The following THSD4 variants were observed in gnomAD, a reference collection of about 807,000 sequenced individuals.
THSD4 encodes the protein thrombospondin type-1 domain-containing protein 4.
In THSD4, 69 loss-of-function variants were observed where a neutral mutation model predicts 119.0. The observed-to-expected ratio is 0.58, with a 90% CI of 0.48 to 0.71. THSD4 has a LOEUF of 0.71. Ranked by LOEUF, THSD4 falls within the 30% of genes least tolerant of loss-of-function variation. The pLI is 0.00. For synonymous variants in THSD4, 524 were observed against 540.4 expected, an observed-to-expected ratio of 0.97 and a Z score of 0.42; for missense variants, 1,393 against 1,391.1, an observed-to-expected ratio of 1.00 and a Z score of -0.02.
chr15:71,429,431 A>G (rs2046914404), intron 7 of THSD4, among the ~76,000 whole-genome samples: 1 of 152,238 alleles, frequency 6.6e-6, no homozygotes, highest in Non-Finnish European at 1.5e-5. Context: ...GGTTTGTGAC[A>G]AAAGTCTGTC....
At chr15:71,262,965 CTT>C (rs1208060388) in intron 6 of THSD4, among the ~76,000 whole-genome samples, 2 of 150,918 alleles carry the variant, frequency 1.3e-5, no homozygotes, top group African/African-American at 4.9e-5. Context: ...TTTTTTCTAA[CTT>C]TTATTTTAAG....
intron 7 of THSD4, among the ~76,000 whole-genome samples, chr15:71,594,825 A>C (rs904528242): frequency 1.3e-5 from 2 of 152,218 alleles, no homozygotes; most frequent in Non-Finnish European, 2.9e-5. Context: ...GAAGTTAACA[A>C]AGTATATTTT....
chr15:71,528,427 G>A (rs2048558955), intron 7 of THSD4, among the ~76,000 whole-genome samples: 1 of 152,148 alleles, frequency 6.6e-6, no homozygotes, highest in Non-Finnish European at 1.5e-5. Flanking sequence ...GCAGTATGGG[G>A]GAAGTACGTG....
chr15:71,110,892 GA>G, upstream of THSD4: 1 of 502,058 alleles, frequency 2.0e-6, no homozygotes, highest in Non-Finnish European at 3.5e-6. Context: ...TGCTTGAGAA[GA>G]GGAGGCCCTG....
chr15:71,601,492 C>T (rs1291660555), intron 7 of THSD4, among the ~76,000 whole-genome samples: 1 of 152,188 alleles, frequency 6.6e-6, no homozygotes, highest in Non-Finnish European at 1.5e-5. Flanking sequence ...CTGTCATGGG[C>T]CTGCCAAGAC....
chr15:71,650,145 C>T (rs763712372), intron 7 of THSD4, among the ~76,000 whole-genome samples: 1 of 152,114 alleles, frequency 6.6e-6, no homozygotes, highest in African/African-American at 2.4e-5. Context: ...ATCCACCTGC[C>T]GTCTGTTTGT....
chr15:71,248,927 A>G (rs888431140), intron 5 of THSD4, among the ~76,000 whole-genome samples: 2 of 152,186 alleles, frequency 1.3e-5, no homozygotes, highest in Admixed American at 1.3e-4. Context: ...CCATGAGGCC[A>G]GTTACTGAAT....
At chr15:71,699,210 CT>C (rs34295616) in intron 8 of THSD4, among the ~76,000 whole-genome samples, 1 of 73,008 alleles carries the variant, frequency 1.4e-5, no homozygotes, top group African/African-American at 6.3e-5. Context: ...ATAGCTACAG[CT>C]TTTTTTTTTT....
At chr15:71,216,400 A>G (rs1173803581) in intron 4 of THSD4, among the ~76,000 whole-genome samples, 1 of 152,218 alleles carries the variant, frequency 6.6e-6, no homozygotes, top group African/African-American at 2.4e-5. Context: ...TTGCTGCATG[A>G]GAGTCTGTCT....
At chr15:71,461,746 A>C (rs1293616416) in intron 7 of THSD4, among the ~76,000 whole-genome samples, 1 of 152,038 alleles carries the variant, frequency 6.6e-6, no homozygotes, top group Non-Finnish European at 1.5e-5. Flanking sequence ...ATAATTTCCA[A>C]GTAGGATTTT....
At chr15:71,298,867 C>G (rs2044904505) in intron 6 of THSD4, among the ~76,000 whole-genome samples, 1 of 152,246 alleles carries the variant, frequency 6.6e-6, no homozygotes, top group Non-Finnish European at 1.5e-5. Context: ...CCGGCCTCGG[C>G]CTCCCAAAGT....
intron 8 of THSD4, among the ~76,000 whole-genome samples, chr15:71,726,767 G>A (rs546685598): frequency 3.9e-5 from 6 of 152,068 alleles, no homozygotes; most frequent in African/African-American, 1.2e-4. Flanking sequence ...GTGAAACCCC[G>A]TCTCTACTAA....
intron 1 of THSD4, among the ~76,000 whole-genome samples, chr15:71,139,804 A>G (rs1244762596): frequency 2.6e-5 from 4 of 152,236 alleles, no homozygotes; most frequent in African/African-American, 9.6e-5. Context: ...GAAAATAATG[A>G]TCTTAGAGAA....
chr15:71,399,663 CAGTT>C (rs1289057376), intron 6 of THSD4, among the ~76,000 whole-genome samples: 1 of 152,188 alleles, frequency 6.6e-6, no homozygotes, highest in Admixed American at 6.5e-5. Flanking sequence ...TCAGAAGCAT[CAGTT>C]AGAGCAGAGG....
At chr15:71,754,963 G>A (rs2053513184) in intron 14 of THSD4, among the ~76,000 whole-genome samples, 3 of 152,214 alleles carry the variant, frequency 2.0e-5, no homozygotes, top group Non-Finnish European at 4.4e-5. Context: ...GGGGGAAATT[G>A]ACAGAAGATA....
intron 3 of THSD4, among the ~76,000 whole-genome samples, chr15:71,187,828 C>T (rs920768086): frequency 6.6e-6 from 1 of 152,226 alleles, no homozygotes; most frequent in African/African-American, 2.4e-5. Flanking sequence ...CCAGATTAAT[C>T]TTCCTGAACC....
chr15:71,145,656 G>T (rs1198084572), intron 2 of THSD4, among the ~76,000 whole-genome samples: 1 of 152,200 alleles, frequency 6.6e-6, no homozygotes, highest in East Asian at 1.9e-4. Context: ...AAGAAAACGT[G>T]TTTTTATGTG....
At chr15:71,374,082 G>A (rs2046098075) in intron 6 of THSD4, among the ~76,000 whole-genome samples, 1 of 152,208 alleles carries the variant, frequency 6.6e-6, no homozygotes, top group Non-Finnish European at 1.5e-5. Context: ...GTGTGGAACA[G>A]CTGAGCATGG....
At chr15:71,428,330 A>C (rs757724734) in intron 7 of THSD4, among the ~76,000 whole-genome samples, 4 of 152,224 alleles carry the variant, frequency 2.6e-5, no homozygotes, top group Non-Finnish European at 5.9e-5. Context: ...GTTCAGACTA[A>C]TAGGGCCAAG....
Sources: gnomAD v4.1 joint callset for allele counts (sites outside exome capture counted in the v4.1 genomes callset) on GRCh38, gnomAD v4.1.1 for gene constraint, MANE v1.5 for transcripts, NCBI Gene and HGNC (gene_info 2026-07-23, HGNC 2026-07-21) for gene names.